CRK: variants seen among roughly 807,000 people sequenced by gnomAD.
CRK encodes adapter molecule crk.
A neutral mutation model predicts 29.8 loss-of-function variants in CRK; 4 were observed. The ratio of observed to expected loss-of-function variants is 0.13; its 90% CI spans 0.07 to 0.31. The LOEUF (loss-of-function observed/expected upper bound fraction) is 0.31. CRK is among the 10% of genes least tolerant of loss of function. CRK has a pLI of 1.00. For synonymous variants in CRK, 153 were observed against 164.9 expected, an observed-to-expected ratio of 0.93 and a Z score of 0.55; for missense variants, 274 against 396.5, an observed-to-expected ratio of 0.69 and a Z score of 2.62.
At position 1,423,275 on chromosome 17, in the gene CRK, G is replaced by A. The variant is rs2073745349; in HGVS notation, c.*238C>T. ...TATCCCTTCTGATACACACAGGCAC[G>A]ACCACTACCGCCTCCAATTGCCAAT... On this transcript the variant is annotated 3_prime_UTR_variant, in exon 3 of 3. Coordinates refer to ENST00000300574, the MANE Select transcript of CRK (RefSeq NM_016823.4). 3.5e-6 allele frequency: 2 copies of A among 569,232 alleles called. No homozygotes were observed. The highest frequency in any genetic ancestry group is 3.0e-5 in the East Asian group (1 of 33,868). The allele number at this position is 569,232 out of a possible 1,614,324, so 35.3% of individuals were successfully genotyped here.
chr17:1,438,562 TA>T (rs2073907859), intron 1 of CRK, among the ~76,000 whole-genome samples: 2 of 150,916 alleles, frequency 1.3e-5, no homozygotes, highest in African/African-American at 2.4e-5. Context: ...AGATCGTAAA[TA>T]AAACAGAAAC....
intron 1 of CRK, among the ~76,000 whole-genome samples, chr17:1,443,775 A>G (rs1029287606): frequency 4.8e-5 from 6 of 124,206 alleles, no homozygotes; most frequent in African/African-American, 1.5e-4. Context: ...TCTCGGCTCA[A>G]TGCAACCTCT....
chr17:1,431,642 C>T (rs780849749), intron 2 of CRK, among the ~76,000 whole-genome samples: 4 of 152,136 alleles, frequency 2.6e-5, no homozygotes, highest in African/African-American at 4.8e-5. Flanking sequence ...GCCTGGACTG[C>T]AGTAGCGCAA....
intron 1 of CRK, among the ~76,000 whole-genome samples, chr17:1,438,959 G>C (rs573468952): frequency 6.6e-6 from 1 of 151,790 alleles, no homozygotes; most frequent in Admixed American, 6.6e-5. Flanking sequence ...CCAGCCTCAC[G>C]AATAGCTTCA....
At chr17:1,430,385 C>T (rs1459837914) in intron 2 of CRK, among the ~76,000 whole-genome samples, 6 of 140,384 alleles carry the variant, frequency 4.3e-5, no homozygotes, top group African/African-American at 8.2e-5. Context: ...GAGACAGAGT[C>T]TCGCTCTGTC....
At chr17:1,455,356 C>T (rs368678990) in intron 1 of CRK, among the ~76,000 whole-genome samples, 14 of 152,260 alleles carry the variant, frequency 9.2e-5, no homozygotes, top group Admixed American at 3.9e-4. Context: ...AAAAATTGAC[C>T]GGTTTCCTGA....
At chr17:1,435,539 T>A (rs149735126) in intron 2 of CRK, among the ~76,000 whole-genome samples, 2 of 152,044 alleles carry the variant, frequency 1.3e-5, no homozygotes, top group African/African-American at 4.8e-5. Context: ...GTTACCGTCA[T>A]CTGAACTCAC....
At chr17:1,455,844 C>T in intron 1 of CRK, 33 bp downstream of exon 1, 1 of 1,496,440 alleles carries the variant, frequency 6.7e-7, no homozygotes, top group Non-Finnish European at 8.9e-7. Context: ...GCCCTCACCC[C>T]GCCCAGGGCC....
chr17:1,439,066 T>A (rs577728357), intron 1 of CRK, among the ~76,000 whole-genome samples: 2 of 152,014 alleles, frequency 1.3e-5, no homozygotes, highest in East Asian at 3.9e-4. Context: ...CCCGGGATTG[T>A]TAGGATTTCG....
At chr17:1,445,767 G>GT (rs2073970254) in intron 1 of CRK, among the ~76,000 whole-genome samples, 1 of 152,164 alleles carries the variant, frequency 6.6e-6, no homozygotes, top group African/African-American at 2.4e-5. Context: ...GGGCAGAGTG[G>GT]TAAGGAGGCC....
chr17:1,436,878 C>T lies in CRK; in HGVS notation c.519G>A (p.Glu173=), dbSNP rs2073890709. ...DKPEEQWWNA[E]DSEGKRGMIP... ...TCATCCCTCTCTTGCCTTCGCTGTC[C>T]TCCGCATTCCACCACTGCTCTTCAG... Residue 173 remains glutamate, a synonymous_variant, in exon 2 of 3, where the codon GAG becomes GAA. Coordinates refer to ENST00000300574, the MANE Select transcript of CRK (RefSeq NM_016823.4). 2.5e-6 allele frequency: 4 copies of T among 1,612,842 alleles called. No homozygotes were observed. Among genetic ancestry groups the T allele is most frequent in the East Asian group, 2.2e-5 (1 of 44,884 alleles).
chr17:1,431,241 G>T (rs1263697516), intron 2 of CRK, among the ~76,000 whole-genome samples: 1 of 152,162 alleles, frequency 6.6e-6, no homozygotes, highest in East Asian at 1.9e-4. Context: ...TAACAGTCTG[G>T]AGGAAGGAGT....
At position 1,452,980 on chromosome 17, in the gene CRK, C is replaced by T. The variant is rs570773156; in HGVS notation, c.241+2897G>A. On this transcript the variant is annotated intron_variant, in intron 1 of 2. Coordinates refer to ENST00000300574, the MANE Select transcript of CRK (RefSeq NM_016823.4). Reference sequence around the variant, plus strand: ...AACAGTTAACCAGGCATGGTGGATACGCCTGGAGTCCCAGCTACTCAGGAG... The same window carrying T: ...AACAGTTAACCAGGCATGGTGGATATGCCTGGAGTCCCAGCTACTCAGGAG... 6.6e-5 allele frequency among the ~76,000 whole-genome samples: 10 copies of T among 152,140 alleles called. No individual in the cohort carries two copies. In the East Asian group the frequency reaches 1.5e-3, roughly 23 times the overall value.
At chr17:1,434,675 C>G (rs2073873798) in intron 2 of CRK, among the ~76,000 whole-genome samples, 1 of 151,552 alleles carries the variant, frequency 6.6e-6, no homozygotes, top group Non-Finnish European at 1.5e-5. Context: ...CCCAACTACT[C>G]AGGAGACTGA....
In CRK at chr17:1,425,171, G is replaced by C. The variant is rs1013077699; in HGVS notation, c.778-1521C>G. Among the ~76,000 whole-genome samples, 6 of 151,502 alleles carry C rather than the reference G, an allele frequency of 4.0e-5. No homozygotes were observed. The East Asian group carries it at 5.9e-4, about 15-fold the overall frequency. Reference sequence around the variant, plus strand: ...GTGGCGCTATCTCAGCTCACTGCAAGCTCTGCCTCCCGGGTTCACGCCATT... The same window carrying C: ...GTGGCGCTATCTCAGCTCACTGCAACCTCTGCCTCCCGGGTTCACGCCATT... On this transcript the variant is annotated intron_variant, in intron 2 of 2. Coordinates refer to ENST00000300574, the MANE Select transcript of CRK (RefSeq NM_016823.4).
At chr17:1,435,875 G>A (rs948639005) in intron 2 of CRK, among the ~76,000 whole-genome samples, 1 of 151,876 alleles carries the variant, frequency 6.6e-6, no homozygotes, top group Non-Finnish European at 1.5e-5. Flanking sequence ...AAGGAAGGGA[G>A]AGAGGGAGGA....
intron 1 of CRK, among the ~76,000 whole-genome samples, chr17:1,448,883 T>G (rs765984622): frequency 7.2e-5 from 11 of 151,942 alleles, no homozygotes; most frequent in Non-Finnish European, 1.6e-4. Flanking sequence ...TTTTTCTCTA[T>G]TTTTAAAAAC....
intron 1 of CRK, among the ~76,000 whole-genome samples, chr17:1,438,105 C>T (rs901047756): frequency 6.6e-6 from 1 of 151,846 alleles, no homozygotes; most frequent in Non-Finnish European, 1.5e-5. Flanking sequence ...TGTATAATTC[C>T]GAAGAAGAAA....
chr17:1,431,259 G>A (rs1001048381), intron 2 of CRK, among the ~76,000 whole-genome samples: 4 of 152,138 alleles, frequency 2.6e-5, no homozygotes, highest in Admixed American at 2.6e-4. Context: ...AGTGGCTGCT[G>A]ACTCTGGCTG....
Sources: gnomAD v4.1 joint callset for allele counts (sites outside exome capture counted in the v4.1 genomes callset) on GRCh38, gnomAD v4.1.1 for gene constraint, MANE v1.5 for transcripts, NCBI Gene and HGNC (gene_info 2026-07-23, HGNC 2026-07-21) for gene names.